ANKRD31: variants seen among roughly 807,000 people sequenced by gnomAD.
ANKRD31 encodes the protein ankyrin repeat domain-containing protein 31.
A neutral mutation model predicts 186.0 loss-of-function variants in ANKRD31; 147 were observed. The observed-to-expected ratio is 0.79, with a 90% CI of 0.69 to 0.91. The LOEUF (loss-of-function observed/expected upper bound fraction) is 0.91. Among genes scored for constraint, ANKRD31 ranks in the 40% least tolerant of loss-of-function variants. ANKRD31 has a pLI of 0.00. For missense variants in ANKRD31, 1,986 were observed against 2,148.8 expected (o/e 0.92, Z 1.50); for synonymous variants, 673 against 736.4 (o/e 0.91, Z 1.39).
At chr5:75,226,289 G>C (rs1757625672) in intron 2 of ANKRD31, among the ~76,000 whole-genome samples, 1 of 152,184 alleles carries the variant, frequency 6.6e-6, no homozygotes. Flanking sequence ...CCTGCTGATT[G>C]TAGAGCTGTA....
At chr5:75,107,210 G>C (rs967811068) in intron 21 of ANKRD31, among the ~76,000 whole-genome samples, 1 of 152,004 alleles carries the variant, frequency 6.6e-6, no homozygotes, top group African/African-American at 2.4e-5. Flanking sequence ...TAGAAAATTT[G>C]AGTGTGCTAA....
At chr5:75,196,325 C>T (rs1755463551) in intron 6 of ANKRD31, 125 bp from the exon 7 acceptor site, 1 of 726,642 alleles carries the variant, frequency 1.4e-6, no homozygotes, top group African/African-American at 1.8e-5. Context: ...ATCAACTTTC[C>T]TTCCCTTCCA....
chr5:75,102,316 A>C (rs4354015), intron 22 of ANKRD31, among the ~76,000 whole-genome samples: 4 of 151,984 alleles, frequency 2.6e-5, no homozygotes, highest in African/African-American at 9.7e-5. Flanking sequence ...AGGGGCGCCC[A>C]GCAGTATGAG....
intron 1 of ANKRD31, 66 bp downstream of exon 1, chr5:75,236,517 C>T (rs1177737156): frequency 9.2e-5 from 124 of 1,352,912 alleles, no homozygotes; most frequent in Non-Finnish European, 1.2e-4. Context: ...AACTCTGACC[C>T]CCTCAGAGGG....
chr5:75,158,300 C>G (rs892095387), intron 11 of ANKRD31, among the ~76,000 whole-genome samples: 2 of 152,036 alleles, frequency 1.3e-5, no homozygotes, highest in Admixed American at 6.6e-5. Context: ...GGTCTTGAAC[C>G]AAGGGTATTC....
chr5:75,070,206 A>G (rs891635810), intron 25 of ANKRD31, among the ~76,000 whole-genome samples: 4 of 152,210 alleles, frequency 2.6e-5, no homozygotes, highest in African/African-American at 9.7e-5. Flanking sequence ...GAAACAAGGT[A>G]TCTCATAAAA....
At chr5:75,183,745 TG>T (rs1754493471) in intron 10 of ANKRD31, among the ~76,000 whole-genome samples, 1 of 152,132 alleles carries the variant, frequency 6.6e-6, no homozygotes, top group African/African-American at 2.4e-5. Context: ...AAAACATTGA[TG>T]AAACAGATTG....
At chr5:75,073,033 T>C (rs1744368104) in intron 25 of ANKRD31, among the ~76,000 whole-genome samples, 1 of 152,212 alleles carries the variant, frequency 6.6e-6, no homozygotes, top group South Asian at 2.1e-4. Context: ...CTTGAGATGA[T>C]GCAGCCACAT....
At position 75,148,588 on chromosome 5, in the gene ANKRD31, C is replaced by T. The variant is rs1475027366; in HGVS notation, c.1893G>A (p.Val631=). The change falls in exon 13 of 26, where the codon GTG becomes GTA. Residue 631 remains valine, a synonymous_variant. Transcript: ENST00000506364. Reference sequence around the variant, plus strand: ...AACATAGATATACCTTGTGTTGGTACACATCCTCTATGTCTAGTGGGTCAA... The same window carrying T: ...AACATAGATATACCTTGTGTTGGTATACATCCTCTATGTCTAGTGGGTCAA... ...SSIDPLDIED[V]YQHKKPKFSS... 2.2e-5 allele frequency: 34 copies of T among 1,524,392 alleles called. No individual in the cohort carries two copies. Among genetic ancestry groups the T allele is most frequent in the Admixed American group, 1.8e-4 (9 of 49,836 alleles). The allele number at this position is 1,524,392 out of a possible 1,614,324, so 94.4% of individuals were successfully genotyped here. A position where few individuals can be genotyped will look rare whatever the true frequency, so the allele number is the denominator to read the frequency against.
At chr5:75,234,853 T>C (rs1580611777) in intron 1 of ANKRD31, among the ~76,000 whole-genome samples, 1 of 151,814 alleles carries the variant, frequency 6.6e-6, no homozygotes, top group Non-Finnish European at 1.5e-5. Flanking sequence ...AACATTTACA[T>C]CTTTGATTCA....
intron 10 of ANKRD31, among the ~76,000 whole-genome samples, chr5:75,177,535 T>C (rs978841965): frequency 4.1e-4 from 63 of 152,114 alleles, no homozygotes; most frequent in Non-Finnish European, 5.3e-4. Flanking sequence ...AGTGGATCTC[T>C]TGGCAGAAAC....
At chr5:75,115,472 A>G (rs1205020194) in intron 19 of ANKRD31, among the ~76,000 whole-genome samples, 1 of 151,688 alleles carries the variant, frequency 6.6e-6, no homozygotes, top group Admixed American at 6.6e-5. Context: ...TGAACAGGCA[A>G]CCTACAAAAT....
chr5:75,168,285 A>G (rs1294971043), intron 11 of ANKRD31, among the ~76,000 whole-genome samples: 1 of 152,110 alleles, frequency 6.6e-6, no homozygotes, highest in Non-Finnish European at 1.5e-5. Flanking sequence ...ACCCTTTCCC[A>G]TCCTAGAAGT....
chr5:75,119,669 A>T (rs1380450833), intron 17 of ANKRD31, among the ~76,000 whole-genome samples: 1 of 152,206 alleles, frequency 6.6e-6, no homozygotes, highest in Non-Finnish European at 1.5e-5. Context: ...GAAATCTCCA[A>T]ACTGTTTTCC....
At chr5:75,151,887 C>A (rs527304398) in intron 12 of ANKRD31, among the ~76,000 whole-genome samples, 3 of 151,980 alleles carry the variant, frequency 2.0e-5, no homozygotes, top group Non-Finnish European at 4.4e-5. Context: ...CATTCTTCAT[C>A]GTAATTGCTG....
At chr5:75,236,549 A>G (rs181061504) in intron 1 of ANKRD31, 34 bp downstream of exon 1, 4 of 1,525,926 alleles carry the variant, frequency 2.6e-6, no homozygotes, top group African/African-American at 2.8e-5. Context: ...CCCTGGCGCG[A>G]GGGTTCAGGC....
At position 75,147,492 on chromosome 5, in the gene ANKRD31, C is replaced by A. The variant is rs1035406018; in HGVS notation, c.1919G>T (p.Ser640Ile). The change falls in exon 14 of 26, where the codon AGT becomes ATT. Residue 640 changes from serine (S) to isoleucine (I), a missense_variant. Transcript: ENST00000506364. ...DVYQHKKPKF[S>I]SKSHIWHVYN... ...AACATGCCAAATGTGACTTTTAGAA[C>A]TGAACTTTGGTTTCTATAGAAAAAA... is the stretch of plus-strand genomic sequence containing the variant. The A allele has an allele frequency of 2.9e-5, 42 of 1,451,832 alleles. No homozygotes were observed. The African/African-American group carries it at 4.0e-4, about 14-fold the overall frequency. 89.9% of individuals were successfully genotyped at this position (1,451,832 alleles called of 1,614,324 possible). A position where few individuals can be genotyped will look rare whatever the true frequency, so the allele number is the denominator to read the frequency against.
chr5:75,135,175 G>A (rs1433500011), intron 17 of ANKRD31, among the ~76,000 whole-genome samples: 1 of 152,162 alleles, frequency 6.6e-6, no homozygotes, highest in Non-Finnish European at 1.5e-5. Context: ...AGGGCAATCA[G>A]GTAGGAGAAA....
intron 10 of ANKRD31, among the ~76,000 whole-genome samples, chr5:75,183,121 C>T (rs1052584446): frequency 4.6e-5 from 7 of 152,088 alleles, no homozygotes; most frequent in African/African-American, 1.4e-4. Flanking sequence ...AACCAATAAA[C>T]GTGATATATC....
Sources: gnomAD v4.1 joint callset for allele counts (sites outside exome capture counted in the v4.1 genomes callset) on GRCh38, gnomAD v4.1.1 for gene constraint, MANE v1.5 for transcripts, NCBI Gene and HGNC (gene_info 2026-07-23, HGNC 2026-07-21) for gene names.